Variants in MOGAT1 observed in about 807,000 individuals in gnomAD.
MOGAT1 encodes 2-acylglycerol O-acyltransferase 1.
A neutral mutation model predicts 31.4 loss-of-function variants in MOGAT1; 32 were observed. That is an observed-to-expected ratio of 1.02 (90% CI 0.77 to 1.37). The LOEUF (loss-of-function observed/expected upper bound fraction) is 1.37, where lower values mean the gene tolerates loss of function less well. Ranked by LOEUF, MOGAT1 falls within the 40% of genes most tolerant of loss-of-function variation. The pLI, the probability that MOGAT1 is intolerant of heterozygous loss-of-function variation, is 0.00. For missense variants in MOGAT1, 426 were observed against 402.0 expected (o/e 1.06, Z -0.51); for synonymous variants, 145 against 144.5 (o/e 1.00, Z -0.03).
intron 1 of MOGAT1, among the ~76,000 whole-genome samples, chr2:222,684,946 A>G (rs1559229537): frequency 6.6e-6 from 1 of 152,246 alleles, no homozygotes; most frequent in East Asian, 1.9e-4. Flanking sequence ...TTACATTTAT[A>G]GAGAAAAATT....
intron 1 of MOGAT1, among the ~76,000 whole-genome samples, chr2:222,681,172 G>A (rs1692575395): frequency 6.6e-6 from 1 of 152,166 alleles, no homozygotes; most frequent in African/African-American, 2.4e-5. Flanking sequence ...ACACCAACTA[G>A]GTATTCTATA....
chr2:222,676,989 C>A (rs1692507505), intron 1 of MOGAT1, among the ~76,000 whole-genome samples: 1 of 152,192 alleles, frequency 6.6e-6, no homozygotes. Flanking sequence ...TACTAATTGT[C>A]AACTAAAGTT....
intron 1 of MOGAT1, among the ~76,000 whole-genome samples, chr2:222,684,740 C>G (rs1219169257): frequency 6.6e-6 from 1 of 152,030 alleles, no homozygotes; most frequent in Non-Finnish European, 1.5e-5. Flanking sequence ...CCACGCCCAG[C>G]TAATTTTTGT....
intron 1 of MOGAT1, among the ~76,000 whole-genome samples, chr2:222,681,437 G>T (rs767561256): frequency 6.6e-6 from 1 of 152,138 alleles, no homozygotes; most frequent in Non-Finnish European, 1.5e-5. Flanking sequence ...TAGATGATTA[G>T]GTACCCAGGT....
intron 3 of MOGAT1, among the ~76,000 whole-genome samples, chr2:222,693,458 T>G (rs1692794843): frequency 6.6e-6 from 1 of 151,924 alleles, no homozygotes. Context: ...GTTTTTTTTT[T>G]TTTTTTTTTT....
At chr2:222,684,787 G>A (rs542504419) in intron 1 of MOGAT1, among the ~76,000 whole-genome samples, 1 of 152,222 alleles carries the variant, frequency 6.6e-6, no homozygotes, top group Non-Finnish European at 1.5e-5. Flanking sequence ...ATGTTGGCCA[G>A]GCTGGTCTCA....
intron 5 of MOGAT1, among the ~76,000 whole-genome samples, chr2:222,702,772 A>G (rs1692945053): frequency 6.6e-6 from 1 of 151,802 alleles, no homozygotes; most frequent in East Asian, 1.9e-4. Context: ...TGGAGGTTGC[A>G]GTCACTCCAG....
Position 222,695,153 on chromosome 2 carries a change from G to A in MOGAT1, c.718G>A (p.Glu240Lys). 2.5e-6 allele frequency: 4 copies of A among 1,613,542 alleles called. No individual in the cohort carries two copies. Among genetic ancestry groups the A allele is most frequent in the Non-Finnish European group, 3.4e-6 (4 of 1,179,686 alleles). The change falls in exon 5 of 6, where the codon GAA (glutamate) becomes AAA (lysine). Residue 240 changes from glutamate (E) to lysine (K), a missense_variant. Coordinates refer to ENST00000446656, the MANE Select transcript of MOGAT1 (RefSeq NM_058165.3). ...ACTGTTTAAACAAACTGACAACCCT[G>A]AAGGATCATGGATTAGAACTGTTCA... ...NELFKQTDNP[E>K]GSWIRTVQNK...
At chr2:222,685,146 A>G (rs1343993972) in intron 1 of MOGAT1, among the ~76,000 whole-genome samples, 1 of 152,192 alleles carries the variant, frequency 6.6e-6, no homozygotes, top group African/African-American at 2.4e-5. Context: ...TTCATAGGGG[A>G]AAAAAGGCCA....
intron 5 of MOGAT1, among the ~76,000 whole-genome samples, chr2:222,705,797 A>G (rs1462177586): frequency 1.3e-5 from 2 of 152,180 alleles, no homozygotes; most frequent in Non-Finnish European, 2.9e-5. Flanking sequence ...TATAGGCACA[A>G]GTTAGCTTCA....
chr2:222,688,573 A>T, intron 2 of MOGAT1, 51 bp downstream of exon 2: 1 of 1,380,844 alleles, frequency 7.2e-7, no homozygotes. Flanking sequence ...AGAAGAGTGG[A>T]AATTTGTTTT....
intron 1 of MOGAT1, among the ~76,000 whole-genome samples, chr2:222,678,673 G>A (rs908979467): frequency 1.3e-5 from 2 of 152,124 alleles, no homozygotes; most frequent in Non-Finnish European, 2.9e-5. Flanking sequence ...GGGTGTGCTG[G>A]CTCATGCCTG....
intron 3 of MOGAT1, among the ~76,000 whole-genome samples, chr2:222,692,430 A>G (rs1042938550): frequency 3.3e-5 from 5 of 152,254 alleles, no homozygotes; most frequent in Non-Finnish European, 7.3e-5. Flanking sequence ...TGTGGTGGCT[A>G]AGAAAGGAGA....
chr2:222,688,395 T>C lies in MOGAT1; in HGVS notation c.146T>C (p.Phe49Ser), dbSNP rs1692708255. 3 of 1,613,358 alleles carry C rather than the reference T, an allele frequency of 1.9e-6. No individual in the cohort carries two copies. Among genetic ancestry groups the C allele is most frequent in the Non-Finnish European group, 2.5e-6 (3 of 1,179,652 alleles). ...ATGCTGATCATACACAACTATTTGT[T>C]CCTTTACATCCCTTATTTGATGTGG... ...TVMLIIHNYL[F>S]LYIPYLMWLY... is the part of the protein sequence containing the mutation. Residue 49 changes from phenylalanine (F) to serine (S), a missense_variant, in exon 2 of 6, where the codon TTC becomes TCC. Phe to Ser is a radical substitution (Grantham distance 155). Transcript: ENST00000446656.
At chr2:222,672,727 T>C (rs1246838760) in intron 1 of MOGAT1, among the ~76,000 whole-genome samples, 3 of 152,006 alleles carry the variant, frequency 2.0e-5, no homozygotes, top group Non-Finnish European at 4.4e-5. Flanking sequence ...GTTGGGGTGG[T>C]AATAATAGTA....
rs1692555615 is a variant in MOGAT1 at position 222,680,087 on chromosome 2, A to C, written c.94+8208A>C. Among the ~76,000 whole-genome samples, 3 of 152,194 alleles carry C rather than the reference A, an allele frequency of 2.0e-5. No homozygotes were observed. The South Asian group carries it at 6.2e-4, about 32-fold the overall frequency. On this transcript the variant is annotated intron_variant, in intron 1 of 5. Transcript: ENST00000446656. ...GATTAATGAATAGTGAATAAAAGTC[A>C]ATTAGCTCCATAACTAAATTTGCTG...
intron 1 of MOGAT1, among the ~76,000 whole-genome samples, chr2:222,679,230 C>G (rs1330504993): frequency 6.6e-6 from 1 of 152,182 alleles, no homozygotes; most frequent in African/African-American, 2.4e-5. Context: ...ACTCTCTAGT[C>G]TGTGCCATTG....
chr2:222,674,544 T>G (rs1322496556), intron 1 of MOGAT1, among the ~76,000 whole-genome samples: 1 of 152,162 alleles, frequency 6.6e-6, no homozygotes, highest in Non-Finnish European at 1.5e-5. Flanking sequence ...GTACAGATTA[T>G]TTCATCACCA....
Position 222,695,107 on chromosome 2 carries a change from G to A in MOGAT1, c.672G>A (p.Val224=), listed in dbSNP as rs1692821286. The A allele has an allele frequency of 6.2e-7, 1 of 1,603,280 alleles. No individual in the cohort carries two copies. Among genetic ancestry groups the A allele is most frequent in the Non-Finnish European group, 8.5e-7 (1 of 1,175,612 alleles). ...ATTGCAGCGCCTCTCTGGTCCCAGT[G>A]GTTTCTTTTGGTGAAAATGAACTGT... ...ALTHGASLVP[V]VSFGENELFK... The change falls in exon 5 of 6, where the codon GTG becomes GTA. Residue 224 remains valine (V), a synonymous_variant. Coordinates refer to ENST00000446656, the MANE Select transcript of MOGAT1 (RefSeq NM_058165.3).
Sources: allele counts gnomAD v4.1 joint callset (sites outside exome capture counted in the v4.1 genomes callset), GRCh38; gene constraint gnomAD v4.1.1; transcripts MANE v1.5; gene names NCBI Gene and HGNC (gene_info 2026-07-23, HGNC 2026-07-21).